KCNMB2: variants seen among roughly 807,000 people sequenced by gnomAD.
The protein encoded by KCNMB2 is potassium calcium-activated channel subfamily M regulatory beta subunit 2, also known as calcium-activated potassium channel subunit beta-2.
KCNMB2 carries 9 observed loss-of-function variants against 24.5 expected under a neutral mutation model. The ratio of observed to expected loss-of-function variants is 0.37; its 90% CI spans 0.22 to 0.64. KCNMB2 has a LOEUF of 0.64. KCNMB2 is among the 30% of genes least tolerant of loss of function. The pLI, the probability that KCNMB2 is intolerant of heterozygous loss-of-function variation, is 0.63. For synonymous variants in KCNMB2, 109 were observed against 104.4 expected, an observed-to-expected ratio of 1.04 and a Z score of -0.27; for missense variants, 226 against 284.3, an observed-to-expected ratio of 0.79 and a Z score of 1.47.
chr3:178,807,832 G>A (rs748900209), intron 2 of KCNMB2, among the ~76,000 whole-genome samples: 5 of 151,804 alleles, frequency 3.3e-5, no homozygotes, highest in Non-Finnish European at 4.4e-5. Flanking sequence ...CTGGCACATG[G>A]CGCTCAATAA....
intron 1 of KCNMB2, among the ~76,000 whole-genome samples, chr3:178,594,998 T>C (rs574526971): frequency 6.7e-6 from 1 of 148,164 alleles, no homozygotes; most frequent in East Asian, 2.0e-4. Context: ...CAATTATCTG[T>C]TTGAATATTG....
At chr3:178,756,955 A>C (rs1560004456) in intron 1 of KCNMB2, 3 of 151,930 alleles carry the variant, frequency 2.0e-5, no homozygotes, top group Non-Finnish European at 4.4e-5. Context: ...TAAAGAGAAA[A>C]ATTGCCAAGA....
At chr3:178,676,195 T>C (rs1421770949) in intron 1 of KCNMB2, among the ~76,000 whole-genome samples, 1 of 152,044 alleles carries the variant, frequency 6.6e-6, no homozygotes, top group Non-Finnish European at 1.5e-5. Context: ...AAGGCCCCAG[T>C]AAAGAACTGG....
chr3:178,790,860 G>A (rs1713294394), intron 1 of KCNMB2, among the ~76,000 whole-genome samples: 1 of 152,184 alleles, frequency 6.6e-6, no homozygotes, highest in Non-Finnish European at 1.5e-5. Flanking sequence ...GACAATTAAG[G>A]TAGTATCTCT....
At chr3:178,585,292 G>T (rs375471353) in intron 1 of KCNMB2, among the ~76,000 whole-genome samples, 1 of 152,188 alleles carries the variant, frequency 6.6e-6, no homozygotes, top group African/African-American at 2.4e-5. Flanking sequence ...CATGATGCAT[G>T]ATGAAATTTA....
At chr3:178,649,047 T>C (rs1720016236) in intron 1 of KCNMB2, among the ~76,000 whole-genome samples, 1 of 152,218 alleles carries the variant, frequency 6.6e-6, no homozygotes, top group Non-Finnish European at 1.5e-5. Context: ...TGCCCATTTT[T>C]CCTAGGTTTC....
chr3:178,790,559 T>C (rs1713281741), intron 1 of KCNMB2, among the ~76,000 whole-genome samples: 4 of 152,132 alleles, frequency 2.6e-5, no homozygotes, highest in Admixed American at 2.0e-4. Flanking sequence ...AACTCAGGCC[T>C]AGCTGGGTTC....
At chr3:178,719,024 C>A (rs1009521928) in intron 1 of KCNMB2, among the ~76,000 whole-genome samples, 1 of 152,202 alleles carries the variant, frequency 6.6e-6, no homozygotes, top group African/African-American at 2.4e-5. Context: ...TGATCTCTCG[C>A]AGCCTCCAGC....
intron 1 of KCNMB2, among the ~76,000 whole-genome samples, chr3:178,658,592 G>A (rs543894450): frequency 6.6e-6 from 1 of 152,172 alleles, no homozygotes; most frequent in African/African-American, 2.4e-5. Context: ...ACACTCTCCT[G>A]TGTCACTATA....
At chr3:178,697,995 C>T (rs529803457) in intron 1 of KCNMB2, among the ~76,000 whole-genome samples, 2 of 152,250 alleles carry the variant, frequency 1.3e-5, no homozygotes, top group Admixed American at 6.5e-5. Context: ...GGCTTCCCTT[C>T]GTAGGTGACC....
intron 1 of KCNMB2, among the ~76,000 whole-genome samples, chr3:178,725,263 T>C (rs949033262): frequency 5.3e-5 from 8 of 152,046 alleles, no homozygotes; most frequent in Non-Finnish European, 5.9e-5. Flanking sequence ...GGTATTTGTA[T>C]GTGTGTGTGG....
At position 178,820,169 on chromosome 3, in the gene KCNMB2, G is replaced by T. The variant is rs533364280; in HGVS notation, c.57-5419G>T. Reference sequence around the variant, plus strand: ...TTGTTAAATCTGTAAGTGTCGTAAAGTTGGCAAAATATTTATGTAGTGAGC... The same window carrying T: ...TTGTTAAATCTGTAAGTGTCGTAAATTTGGCAAAATATTTATGTAGTGAGC... On this transcript the variant is annotated intron_variant, in intron 2 of 4. Transcript: ENST00000452583. Among the ~76,000 whole-genome samples, 9 of 152,312 alleles carry T rather than the reference G, an allele frequency of 5.9e-5. No individual in the cohort carries two copies. The South Asian group carries it at 1.9e-3, about 32-fold the overall frequency.
intron 4 of KCNMB2, among the ~76,000 whole-genome samples, chr3:178,841,154 A>G (rs1295950478): frequency 6.6e-6 from 1 of 152,246 alleles, no homozygotes; most frequent in African/African-American, 2.4e-5. Flanking sequence ...TTTCTATGGC[A>G]GGGACAAAAT....
chr3:178,817,410 T>C (rs570982854), intron 2 of KCNMB2, among the ~76,000 whole-genome samples: 3 of 152,046 alleles, frequency 2.0e-5, no homozygotes, highest in African/African-American at 4.8e-5. Context: ...TGAGGATATA[T>C]GTAAAAGAAG....
intron 1 of KCNMB2, among the ~76,000 whole-genome samples, chr3:178,600,275 T>C (rs1026488640): frequency 1.3e-5 from 2 of 152,216 alleles, no homozygotes; most frequent in African/African-American, 4.8e-5. Context: ...AATATTCCAT[T>C]GTGTATATAT....
chr3:178,600,088 G>A (rs1000900599), intron 1 of KCNMB2, among the ~76,000 whole-genome samples: 4 of 152,132 alleles, frequency 2.6e-5, no homozygotes, highest in African/African-American at 7.2e-5. Flanking sequence ...ATGTTGGCCA[G>A]GTTGGTCTTG....
chr3:178,643,806 T>A (rs1195068361), intron 1 of KCNMB2, among the ~76,000 whole-genome samples: 1 of 152,168 alleles, frequency 6.6e-6, no homozygotes, highest in Non-Finnish European at 1.5e-5. Flanking sequence ...TCTTCCTCAA[T>A]CTACATTGCC....
intron 1 of KCNMB2, among the ~76,000 whole-genome samples, chr3:178,643,121 C>A (rs1338722576): frequency 6.6e-6 from 1 of 152,142 alleles, no homozygotes; most frequent in African/African-American, 2.4e-5. Context: ...GGATGAACCT[C>A]AAGGAAATTA....
At chr3:178,598,879 C>G (rs77634972) in intron 1 of KCNMB2, among the ~76,000 whole-genome samples, 1 of 151,990 alleles carries the variant, frequency 6.6e-6, no homozygotes, top group Non-Finnish European at 1.5e-5. Context: ...CACTACACTT[C>G]GGGAGTTTTT....
Sources: allele counts gnomAD v4.1 joint callset (sites outside exome capture counted in the v4.1 genomes callset), GRCh38; gene constraint gnomAD v4.1.1; transcripts MANE v1.5; gene names NCBI Gene and HGNC (gene_info 2026-07-23, HGNC 2026-07-21).